Variants in RASSF4 observed in about 807,000 individuals in gnomAD.
RASSF4 encodes the protein Ras association domain family member 4.
In RASSF4, 38 loss-of-function variants were observed where a neutral mutation model predicts 41.1. That is an observed-to-expected ratio of 0.92 (90% CI 0.71 to 1.21). The LOEUF (loss-of-function observed/expected upper bound fraction) is 1.21, where lower values mean the gene tolerates loss of function less well. Among genes scored for constraint, RASSF4 ranks in the 50% most tolerant of loss-of-function variants. The pLI is 0.00. For synonymous variants in RASSF4, 179 were observed against 163.4 expected, an observed-to-expected ratio of 1.10 and a Z score of -0.73; for missense variants, 414 against 419.4, an observed-to-expected ratio of 0.99 and a Z score of 0.11.
intron 1 of RASSF4, among the ~76,000 whole-genome samples, chr10:44,962,804 G>A (rs1005876368): frequency 6.6e-6 from 1 of 152,236 alleles, no homozygotes; most frequent in Non-Finnish European, 1.5e-5. Flanking sequence ...AGCAGAGAAT[G>A]TATGTTTAAG....
chr10:44,974,388 G>A (rs528906276), intron 3 of RASSF4, among the ~76,000 whole-genome samples: 9 of 152,372 alleles, frequency 5.9e-5, no homozygotes, highest in South Asian at 2.1e-4. Context: ...TAAGTCTCTA[G>A]TCCAAGGTCA....
chr10:44,989,244 G>A, intron 6 of RASSF4, 30 bp from the exon 7 acceptor site: 5 of 1,468,522 alleles, frequency 3.4e-6, no homozygotes, highest in Non-Finnish European at 4.8e-6. Context: ...CTCTGGGCCT[G>A]ACCTGAACTT....
chr10:44,978,672 A>C (rs1247188875), intron 3 of RASSF4: 1 of 152,402 alleles, frequency 6.6e-6, no homozygotes, highest in Non-Finnish European at 1.5e-5. Flanking sequence ...GGGACAGTCC[A>C]GTCCAAAGGA....
chr10:44,970,084 C>T, intron 1 of RASSF4, 81 bp from the exon 2 acceptor site: 1 of 817,570 alleles, frequency 1.2e-6, no homozygotes, highest in Non-Finnish European at 2.1e-6. Flanking sequence ...GGTGTCTGTG[C>T]CAGGGCTGCG....
intron 5 of RASSF4, chr10:44,984,591 G>T (rs1463475207): frequency 1.7e-6 from 1 of 600,364 alleles, no homozygotes; most frequent in Non-Finnish European, 3.0e-6. Context: ...ACCAAGAGGG[G>T]TATGGCCATG....
intron 1 of RASSF4, among the ~76,000 whole-genome samples, chr10:44,967,107 C>T (rs1371148511): frequency 6.6e-6 from 1 of 152,160 alleles, no homozygotes; most frequent in Non-Finnish European, 1.5e-5. Context: ...AGTGGCTTGT[C>T]ACGGCAGAGG....
chr10:44,977,982 C>T (rs746153313), intron 3 of RASSF4: 4 of 1,611,972 alleles, frequency 2.5e-6, no homozygotes, highest in Non-Finnish European at 3.4e-6. Flanking sequence ...TCCGTGGTCT[C>T]CCGAATTGTG....
chr10:44,982,232 A>G (rs1019122056), intron 3 of RASSF4: 67 of 460,610 alleles, frequency 1.5e-4, no homozygotes, highest in Non-Finnish European at 2.3e-4. Context: ...CGCGGTGTGG[A>G]CGTGCCTGCC....
chr10:44,982,388 C>A, intron 3 of RASSF4, 133 bp from the exon 4 acceptor site: 1 of 1,118,824 alleles, frequency 8.9e-7, no homozygotes, highest in Non-Finnish European at 1.3e-6. Flanking sequence ...GCTGATGGTC[C>A]TTCCTGAGGG....
chr10:44,962,140 C>A (rs1840732679), intron 1 of RASSF4, among the ~76,000 whole-genome samples: 1 of 152,218 alleles, frequency 6.6e-6, no homozygotes, highest in South Asian at 2.1e-4. Context: ...CACAACAGCT[C>A]TGGCTAAACT....
chr10:44,971,724 T>G, intron 2 of RASSF4, 49 bp from the exon 3 acceptor site: 2 of 1,459,620 alleles, frequency 1.4e-6, no homozygotes, highest in Non-Finnish European at 1.9e-6. Flanking sequence ...GGCCAGAAGC[T>G]GAGGCCCTGC....
At position 44,989,268 on chromosome 10, in the gene RASSF4, G is replaced by A. The variant is rs202169523; in HGVS notation, c.532-6G>A. ...TGACCTGAACTTCTCTCCCTTCCTG[G>A]TACAGACCTCCGTGTTTACTCCAGC... On this transcript the variant is annotated splice_region_variant and splice_polypyrimidine_tract_variant and intron_variant, in intron 6 of 10. Coordinates refer to ENST00000340258, the MANE Select transcript of RASSF4 (RefSeq NM_032023.4). 3.1e-6 allele frequency: 5 copies of A among 1,602,132 alleles called. No homozygotes were observed. The highest frequency in any genetic ancestry group is 2.2e-5 in the East Asian group (1 of 44,820).
chr10:44,978,989 C>T (rs561241517), intron 3 of RASSF4, among the ~76,000 whole-genome samples: 9 of 152,244 alleles, frequency 5.9e-5, no homozygotes, highest in East Asian at 5.8e-4. Context: ...GGAATGTTTA[C>T]GCTGCAGGGC....
rs1460098951 is a variant in RASSF4, at chr10:44,994,598, A to C, written c.*1269A>C. The C allele has an allele frequency of 6.6e-6, 1 of 152,206 alleles. No homozygotes were observed. Among genetic ancestry groups the C allele is most frequent in the Non-Finnish European group, 1.5e-5 (1 of 68,040 alleles). The allele number at this position is 152,206 out of a possible 1,614,324, so 9.4% of individuals were successfully genotyped here. On this transcript the variant is annotated 3_prime_UTR_variant, in exon 11 of 11. Coordinates refer to ENST00000340258, the MANE Select transcript of RASSF4 (RefSeq NM_032023.4). ...AGCAGGATTTCCCCAACCCAGCTCC[A>C]TCATCACAGACACAGAGAGCTGCAG...
At chr10:44,969,643 A>C (rs980425833) in intron 1 of RASSF4, among the ~76,000 whole-genome samples, 1 of 152,198 alleles carries the variant, frequency 6.6e-6, no homozygotes, top group Non-Finnish European at 1.5e-5. Context: ...ACCTCACAAT[A>C]TCGTTGTAGG....
intron 3 of RASSF4, chr10:44,977,975 G>A (rs1392638129): frequency 1.1e-5 from 18 of 1,612,044 alleles, no homozygotes; most frequent in Admixed American, 1.7e-5. Flanking sequence ...CATCTCCTCC[G>A]TGGTCTCCCG....
At chr10:44,973,585 T>A (rs1841270891) in intron 3 of RASSF4, among the ~76,000 whole-genome samples, 1 of 152,240 alleles carries the variant, frequency 6.6e-6, no homozygotes, top group Non-Finnish European at 1.5e-5. Flanking sequence ...CCCAGCCTGC[T>A]GAACCGAAAA....
chr10:44,982,905 G>A, intron 4 of RASSF4: 1 of 697,116 alleles, frequency 1.4e-6, no homozygotes, highest in South Asian at 1.5e-5. Context: ...AAACCTTCCT[G>A]CAAGCCACCT....
Position 44,971,844 on chromosome 10 carries a change from G to A in RASSF4, c.134G>A (p.Arg45His), listed in dbSNP as rs61759871. The A allele has an allele frequency of 8.4e-5, 135 of 1,609,114 alleles. No individual in the cohort carries two copies. Among genetic ancestry groups the A allele is most frequent in the Admixed American group, 1.0e-4 (6 of 59,840 alleles). The change falls in exon 3 of 11, where the codon CGT (arginine) becomes CAT (histidine). Residue 45 changes from arginine to histidine, a missense_variant. By Grantham distance (29) the Arg-to-His change is conservative. Transcript: ENST00000340258. ...GGCAAGAGCTTCCAGCTGAGACACC[G>A]TGAGGTGAGCCTGTTGCTCTTGTTC... ...HEGKSFQLRH[R>H]EEEGTLIIEG... is the part of the protein sequence containing the mutation.
Sources: allele counts gnomAD v4.1 joint callset (sites outside exome capture counted in the v4.1 genomes callset), GRCh38; gene constraint gnomAD v4.1.1; transcripts MANE v1.5; gene names NCBI Gene and HGNC (gene_info 2026-07-23, HGNC 2026-07-21).